The following TRPM3 variants were observed in gnomAD, a reference collection of about 807,000 sequenced individuals.
TRPM3 encodes the protein transient receptor potential cation channel subfamily M member 3.
In TRPM3, 77 loss-of-function variants were observed where a neutral mutation model predicts 181.2. The ratio of observed to expected loss-of-function variants is 0.42; its 90% CI spans 0.35 to 0.51. The LOEUF is 0.51. Ranked by LOEUF, TRPM3 falls within the 20% of genes least tolerant of loss-of-function variation. The pLI is 0.01. For synonymous variants in TRPM3, 745 were observed against 796.4 expected (o/e 0.94, Z 1.09); for missense variants, 1,759 against 2,196.7 (o/e 0.80, Z 3.98).
At chr9:70,698,453 A>G (rs2071322703) in intron 8 of TRPM3, among the ~76,000 whole-genome samples, 1 of 152,144 alleles carries the variant, frequency 6.6e-6, no homozygotes, top group African/African-American at 2.4e-5. Context: ...TTTTCTGTTG[A>G]AAGTTAAGTG....
chr9:70,537,199 G>A lies in TRPM3; in HGVS notation c.3914C>T (p.Ala1305Val). ...SRTSSDCTDAAYIVRQSSFNS... is the reference protein window; with the variant it reads ...SRTSSDCTDAVYIVRQSSFNS... ...GAAGCTGCTCTGACGGACAATGTAG[G>A]CGGCGTCCGTGCAGTCTGACGAGGT... Residue 1305 changes from alanine to valine, a missense_variant, in exon 26 of 26, where the codon GCC (alanine) becomes GTC (valine). By Grantham distance (64) the Ala-to-Val change is moderately conservative. Transcript: ENST00000677713. 6.3e-7 allele frequency: 1 copy of A among 1,594,864 alleles called. No homozygotes were observed. The highest frequency in any genetic ancestry group is 8.6e-7 in the Non-Finnish European group (1 of 1,166,152).
At chr9:71,247,401 T>C (rs1451515940) in intron 1 of TRPM3, among the ~76,000 whole-genome samples, 1 of 134,842 alleles carries the variant, frequency 7.4e-6, no homozygotes, top group African/African-American at 2.8e-5. Context: ...GTTGAGAGGG[T>C]GAATCAATAG....
In TRPM3 at chr9:71,185,329, T is replaced by C. The variant is rs573291022; in HGVS notation, c.183+261324A>G. Among the ~76,000 whole-genome samples the C allele has an allele frequency of 2.0e-5, 3 of 152,302 alleles. No individual in the cohort carries two copies. In the South Asian group the frequency reaches 6.2e-4, roughly 32 times the overall value. ...CCCTGATTCTGACAACTGAAAAGCA[T>C]GATCCCATCCCTTTATCTAAAGGAA... On this transcript the variant is annotated intron_variant, in intron 1 of 24. Coordinates refer to the TRPM3 transcript ENST00000357533.
At chr9:70,869,251 G>T (rs573419021) in intron 1 of TRPM3, among the ~76,000 whole-genome samples, 5 of 151,964 alleles carry the variant, frequency 3.3e-5, no homozygotes, top group African/African-American at 1.2e-4. Flanking sequence ...CTCAAACACT[G>T]CTTGATTTGA....
At chr9:70,948,921 C>T (rs2096965009) in intron 1 of TRPM3, among the ~76,000 whole-genome samples, 1 of 152,156 alleles carries the variant, frequency 6.6e-6, no homozygotes, top group South Asian at 2.1e-4. Context: ...ATCCTTACTA[C>T]AGACAGGCCT....
chr9:70,641,769 C>G (rs2058091396), intron 9 of TRPM3, among the ~76,000 whole-genome samples: 1 of 152,152 alleles, frequency 6.6e-6, no homozygotes, highest in East Asian at 1.9e-4. Context: ...TAGGTGAATG[C>G]ATCCTGTCCA....
At chr9:71,402,888 C>G (rs563798980) in intron 1 of TRPM3, among the ~76,000 whole-genome samples, 3 of 152,126 alleles carry the variant, frequency 2.0e-5, no homozygotes, top group South Asian at 4.2e-4. Context: ...TGCACAGCAT[C>G]CTGTTAATGA....
At chr9:71,292,017 G>T (rs182638357) in intron 1 of TRPM3, among the ~76,000 whole-genome samples, 3 of 152,124 alleles carry the variant, frequency 2.0e-5, no homozygotes, top group Admixed American at 6.5e-5. Context: ...ATGAAAGACG[G>T]AAAAAGGAGG....
intron 1 of TRPM3, among the ~76,000 whole-genome samples, chr9:70,983,513 G>T (rs1210734861): frequency 6.6e-6 from 1 of 152,168 alleles, no homozygotes; most frequent in Non-Finnish European, 1.5e-5. Flanking sequence ...AACAGAGCAT[G>T]CAAAGAAGAA....
intron 9 of TRPM3, among the ~76,000 whole-genome samples, chr9:70,660,209 C>G (rs1019414896): frequency 2.0e-5 from 3 of 152,010 alleles, no homozygotes; most frequent in Non-Finnish European, 4.4e-5. Flanking sequence ...TTGGGGCCTC[C>G]AAATCACTGA....
At chr9:71,016,422 C>A (rs56949278) in intron 1 of TRPM3, among the ~76,000 whole-genome samples, 7,086 of 152,108 alleles carry the variant, frequency 0.047, 572 homozygotes, top group African/African-American at 0.16. Context: ...AGTAAGTCAT[C>A]ATTCCTCCCT....
At chr9:70,692,725 A>G (rs1054801356) in intron 8 of TRPM3, among the ~76,000 whole-genome samples, 2 of 152,238 alleles carry the variant, frequency 1.3e-5, no homozygotes, top group African/African-American at 4.8e-5. Flanking sequence ...CTGAAAAAAC[A>G]TATTGACTTT....
At chr9:71,040,060 G>T (rs187142291) in intron 1 of TRPM3, among the ~76,000 whole-genome samples, 1 of 152,154 alleles carries the variant, frequency 6.6e-6, no homozygotes, top group East Asian at 1.9e-4. Context: ...TTACATAATG[G>T]GAATGAGAGT....
rs777488199 is a variant in TRPM3 at position 70,828,029 on chromosome 9, T to G, written c.802-11A>C. On this transcript the variant is annotated splice_polypyrimidine_tract_variant and intron_variant, in intron 5 of 25. Transcript: ENST00000677713. Reference sequence around the variant, plus strand: ...GTATGGCCGGACAACCTGCAGGGTATCAAATGGAAGAGGCAGAAGTCAGAA... The same window carrying G: ...GTATGGCCGGACAACCTGCAGGGTAGCAAATGGAAGAGGCAGAAGTCAGAA... 5 of 1,605,126 alleles carry G rather than the reference T, an allele frequency of 3.1e-6. No homozygotes were observed. The African/African-American group carries it at 6.7e-5, about 22-fold the overall frequency.
chr9:70,640,329 A>C (rs908241496), intron 10 of TRPM3, among the ~76,000 whole-genome samples: 1 of 152,230 alleles, frequency 6.6e-6, no homozygotes, highest in African/African-American at 2.4e-5. Flanking sequence ...TATTAAAGAC[A>C]ACTCATAGAG....
intron 9 of TRPM3, among the ~76,000 whole-genome samples, chr9:70,670,817 G>A (rs2062766367): frequency 6.6e-6 from 1 of 152,106 alleles, no homozygotes; most frequent in Non-Finnish European, 1.5e-5. Flanking sequence ...CAATAACCAT[G>A]TCATGTGTCC....
At chr9:71,298,245 G>A (rs1033538117) in intron 1 of TRPM3, among the ~76,000 whole-genome samples, 4 of 152,168 alleles carry the variant, frequency 2.6e-5, no homozygotes, top group South Asian at 2.1e-4. Flanking sequence ...AATCTTTAAC[G>A]TTTGTTTTTG....
rs141636856 is a variant in TRPM3 at position 70,563,331 on chromosome 9, G to A, written c.3224-10021C>T. 6.6e-5 allele frequency among the ~76,000 whole-genome samples: 10 copies of A among 152,276 alleles called. No individual in the cohort carries two copies. In the East Asian group the frequency reaches 1.5e-3, roughly 23 times the overall value. ...TCTGAGCTCAATACGTGCTTATGGC[G>A]TTAAGTTCTGAATTCTAGGGTGGTT... On this transcript the variant is annotated intron_variant, in intron 22 of 25. Transcript: ENST00000677713.
At chr9:71,284,887 T>C (rs903547014) in intron 1 of TRPM3, among the ~76,000 whole-genome samples, 1 of 152,254 alleles carries the variant, frequency 6.6e-6, no homozygotes. Flanking sequence ...GAATTGTGAA[T>C]TAAGTCTGAA....
Sources: allele counts gnomAD v4.1 joint callset (sites outside exome capture counted in the v4.1 genomes callset), GRCh38; gene constraint gnomAD v4.1.1; transcripts MANE v1.5; gene names NCBI Gene and HGNC (gene_info 2026-07-23, HGNC 2026-07-21).